Variants in VWA3B observed in about 807,000 individuals in gnomAD.
VWA3B encodes von Willebrand factor A domain-containing protein 3B.
VWA3B carries 138 observed loss-of-function variants against 158.3 expected under a neutral mutation model. The ratio of observed to expected loss-of-function variants is 0.87; its 90% CI spans 0.76 to 1.00. The LOEUF is 1.00. VWA3B is among the 50% of genes least tolerant of loss of function. The pLI is 0.00. For synonymous variants in VWA3B, 596 were observed against 587.3 expected (o/e 1.01, Z -0.21); for missense variants, 1,555 against 1,565.1 (o/e 0.99, Z 0.11).
Position 98,167,410 on chromosome 2 carries a change from T to C in VWA3B, c.1114+4434T>C, listed in dbSNP as rs376522414. 3.0e-4 allele frequency among the ~76,000 whole-genome samples: 46 copies of C among 151,986 alleles called. No individual in the cohort carries two copies. The South Asian group carries it at 4.4e-3, about 14-fold the overall frequency. ...ATGTATGAATCAATGGTTTGTAGGA[T>C]GCTGAACACTAAGAATGAAGGCCAG... On this transcript the variant is annotated intron_variant, in intron 8 of 27. Coordinates refer to ENST00000477737, the MANE Select transcript of VWA3B (RefSeq NM_144992.5).
At chr2:98,241,845 C>G (rs12470615) in intron 19 of VWA3B, among the ~76,000 whole-genome samples, 86,729 of 151,826 alleles carry the variant, frequency 0.57, 25,041 homozygotes, top group South Asian at 0.77. Flanking sequence ...AAGAATCACT[C>G]TGATGACAGG....
rs1319643316 is a variant in VWA3B at position 98,254,466 on chromosome 2, C to G, written c.2793-1658C>G. On this transcript the variant is annotated intron_variant, in intron 20 of 27. Transcript: ENST00000477737. ...CGTACTATAAATCCTTTTAACAAATCTTGGAAGCCTTAATCATTATTACCT... is the reference window on the plus strand; with the variant it reads ...CGTACTATAAATCCTTTTAACAAATGTTGGAAGCCTTAATCATTATTACCT... 2.6e-5 allele frequency among the ~76,000 whole-genome samples: 4 copies of G among 152,318 alleles called. No individual in the cohort carries two copies. The South Asian group carries it at 8.3e-4, about 32-fold the overall frequency.
At chr2:98,184,853 G>A (rs377765661) in intron 9 of VWA3B, among the ~76,000 whole-genome samples, 24 of 152,074 alleles carry the variant, frequency 1.6e-4, no homozygotes, top group African/African-American at 5.3e-4. Context: ...TTCTTCCCAC[G>A]TCATCAGACT....
chr2:98,271,487 G>C (rs145973554), intron 22 of VWA3B, among the ~76,000 whole-genome samples: 2 of 152,184 alleles, frequency 1.3e-5, no homozygotes, highest in African/African-American at 4.8e-5. Flanking sequence ...CTACATAGGT[G>C]CAATCAGAGT....
At chr2:98,161,473 C>G (rs1443419659) in intron 7 of VWA3B, among the ~76,000 whole-genome samples, 2 of 152,186 alleles carry the variant, frequency 1.3e-5, no homozygotes, top group African/African-American at 4.8e-5. Flanking sequence ...TCAGGACGTG[C>G]TGCTTGGCAC....
intron 7 of VWA3B, among the ~76,000 whole-genome samples, chr2:98,137,482 A>G (rs1029595631): frequency 9.9e-5 from 15 of 152,224 alleles, no homozygotes; most frequent in African/African-American, 3.4e-4. Flanking sequence ...ATCCATGATG[A>G]TGAAAATATC....
intron 14 of VWA3B, among the ~76,000 whole-genome samples, chr2:98,224,735 G>T (rs2105656199): frequency 7.2e-6 from 1 of 138,562 alleles, no homozygotes; most frequent in South Asian, 2.5e-4. Flanking sequence ...TCAAAAGACA[G>T]ATACTGGCAG....
chr2:98,088,615 A>G (rs1682035666), intron 1 of VWA3B, among the ~76,000 whole-genome samples: 1 of 152,218 alleles, frequency 6.6e-6, no homozygotes, highest in African/African-American at 2.4e-5. Flanking sequence ...AACTTAGGGC[A>G]ATGCTCAACT....
chr2:98,250,035 T>C (rs1234281231), intron 19 of VWA3B, among the ~76,000 whole-genome samples: 4 of 152,196 alleles, frequency 2.6e-5, no homozygotes, highest in Non-Finnish European at 5.9e-5. Context: ...TAAGGTTTTC[T>C]GAAACAGTTT....
chr2:98,210,313 G>T (rs1683403860), intron 12 of VWA3B, among the ~76,000 whole-genome samples: 1 of 152,054 alleles, frequency 6.6e-6, no homozygotes, highest in Non-Finnish European at 1.5e-5. Flanking sequence ...GATGTATTTA[G>T]CAACTCACTC....
At chr2:98,166,473 A>G (rs1239849755) in intron 8 of VWA3B, among the ~76,000 whole-genome samples, 1 of 152,226 alleles carries the variant, frequency 6.6e-6, no homozygotes, top group Non-Finnish European at 1.5e-5. Context: ...CCAGAAGCAC[A>G]TGGAGGAAAG....
intron 22 of VWA3B, among the ~76,000 whole-genome samples, chr2:98,277,591 C>G (rs1688599992): frequency 6.6e-6 from 1 of 152,178 alleles, no homozygotes; most frequent in South Asian, 2.1e-4. Context: ...TTACCCACAC[C>G]ACTGGCTGCA....
intron 1 of VWA3B, among the ~76,000 whole-genome samples, 188 bp from the exon 2 acceptor site, chr2:98,092,873 A>G (rs1339248287): frequency 1.7e-5 from 2 of 114,538 alleles, no homozygotes; most frequent in African/African-American, 6.4e-5. Flanking sequence ...TGAATATTGA[A>G]CTTTATGGAT....
At chr2:98,205,034 CCA>C (rs1682898828) in intron 12 of VWA3B, among the ~76,000 whole-genome samples, 1 of 152,114 alleles carries the variant, frequency 6.6e-6, no homozygotes, top group African/African-American at 2.4e-5. Flanking sequence ...TCACTTGAAC[CCA>C]GAAGCAGAGG....
At chr2:98,106,649 T>C (rs982274240) in intron 2 of VWA3B, among the ~76,000 whole-genome samples, 2 of 152,320 alleles carry the variant, frequency 1.3e-5, no homozygotes, top group African/African-American at 4.8e-5. Flanking sequence ...TTTTTAGCAG[T>C]TGTAGATGGA....
intron 8 of VWA3B, among the ~76,000 whole-genome samples, chr2:98,163,355 T>C (rs1232835228): frequency 6.6e-6 from 1 of 152,062 alleles, no homozygotes; most frequent in East Asian, 1.9e-4. Context: ...CTGGCCAACA[T>C]GGTGAAACCC....
intron 7 of VWA3B, among the ~76,000 whole-genome samples, chr2:98,158,897 C>T (rs1678334424): frequency 6.6e-6 from 1 of 152,112 alleles, no homozygotes; most frequent in Non-Finnish European, 1.5e-5. Context: ...GCCCAGGGAG[C>T]TGGGCCCTGG....
intron 7 of VWA3B, among the ~76,000 whole-genome samples, chr2:98,152,492 G>A (rs1180759684): frequency 6.6e-6 from 1 of 152,170 alleles, no homozygotes; most frequent in Non-Finnish European, 1.5e-5. Context: ...GGCACAGGAG[G>A]AGGGAGTCTA....
rs376198711 is a variant in VWA3B at position 98,300,160 on chromosome 2, A to C, written c.3364A>C (p.Asn1122His). 1.9e-6 allele frequency: 3 copies of C among 1,614,214 alleles called. No individual in the cohort carries two copies. The highest frequency in any genetic ancestry group is 1.3e-5 in the African/African-American group (1 of 75,046). The change falls in exon 25 of 28, where the codon AAT becomes CAT. Residue 1122 changes from asparagine (N) to histidine (H), a missense_variant. Physicochemically the swap from Asn to His is moderately conservative, Grantham distance 68 (BLOSUM62 1). Coordinates refer to ENST00000477737, the MANE Select transcript of VWA3B (RefSeq NM_144992.5). ...CCCTGCCATTGTCATAGCACTTCCC[A>C]ATAAGCATGTGGCCACAGAAAAATT... ...YVPAIVIALP[N>H]KHVATEKFYT...
Sources: gnomAD v4.1 joint callset for allele counts (sites outside exome capture counted in the v4.1 genomes callset) on GRCh38, gnomAD v4.1.1 for gene constraint, MANE v1.5 for transcripts, NCBI Gene and HGNC (gene_info 2026-07-23, HGNC 2026-07-21) for gene names.